STXBP5: variants seen among roughly 807,000 people sequenced by gnomAD.
STXBP5 encodes syntaxin-binding protein 5.
In STXBP5, 50 loss-of-function variants were observed where a neutral mutation model predicts 152.4. That is an observed-to-expected ratio of 0.33 (90% CI 0.26 to 0.42). STXBP5 has a LOEUF of 0.42. Among genes scored for constraint, STXBP5 ranks in the 10% least tolerant of loss-of-function variants. The pLI, the probability that STXBP5 is intolerant of heterozygous loss-of-function variation, is 1.00. For missense variants in STXBP5, 1,167 were observed against 1,388.6 expected, an observed-to-expected ratio of 0.84 and a Z score of 2.54; for synonymous variants, 492 against 494.7, an observed-to-expected ratio of 0.99 and a Z score of 0.07.
intron 16 of STXBP5, among the ~76,000 whole-genome samples, chr6:147,320,296 C>T (rs753155381): frequency 7.4e-4 from 112 of 152,136 alleles, no homozygotes; most frequent in Non-Finnish European, 1.4e-3. Flanking sequence ...CTTATCCTCC[C>T]AGTCGTGGCA....
chr6:147,251,159 G>A (rs1023505376), intron 4 of STXBP5, among the ~76,000 whole-genome samples: 2 of 152,040 alleles, frequency 1.3e-5, no homozygotes, highest in African/African-American at 4.8e-5. Flanking sequence ...AGGGTGTGGC[G>A]TTGCCTCACC....
chr6:147,272,983 C>T (rs1057321557), intron 7 of STXBP5, among the ~76,000 whole-genome samples: 1 of 152,034 alleles, frequency 6.6e-6, no homozygotes, highest in African/African-American at 2.4e-5. Context: ...ATATTTTCTA[C>T]AGATGATACT....
At chr6:147,325,824 A>C (rs1311137702) in intron 17 of STXBP5, among the ~76,000 whole-genome samples, 1 of 152,146 alleles carries the variant, frequency 6.6e-6, no homozygotes, top group Non-Finnish European at 1.5e-5. Context: ...GCAGCTGTAC[A>C]GTTAGCCCTC....
At chr6:147,218,811 C>T (rs1257847594) in intron 2 of STXBP5, among the ~76,000 whole-genome samples, 1 of 152,200 alleles carries the variant, frequency 6.6e-6, no homozygotes, top group Non-Finnish European at 1.5e-5. Flanking sequence ...ATATCCTGGC[C>T]ACCTTGCTAT....
At chr6:147,372,977 G>GT (rs1785631098) in intron 25 of STXBP5, among the ~76,000 whole-genome samples, 1 of 152,122 alleles carries the variant, frequency 6.6e-6, no homozygotes, top group Non-Finnish European at 1.5e-5. Context: ...AAAGAAGTTG[G>GT]TGTCTAAATT....
intron 17 of STXBP5, 32 bp from the exon 18 acceptor site, chr6:147,327,093 T>A: frequency 6.3e-7 from 1 of 1,598,926 alleles, no homozygotes; most frequent in Non-Finnish European, 8.5e-7. Context: ...TATTTGTTTG[T>A]GCTAAAATGT....
At chr6:147,310,517 A>T (rs751932844) in intron 10 of STXBP5, among the ~76,000 whole-genome samples, 11 of 136,586 alleles carry the variant, frequency 8.1e-5, no homozygotes, top group Non-Finnish European at 1.6e-4. Context: ...GCACACACTC[A>T]TAGGAGAGAA....
At position 147,257,892 on chromosome 6, in the gene STXBP5, A is replaced by T. The variant is rs376601918; in HGVS notation, c.432-2723A>T. On this transcript the variant is annotated intron_variant, in intron 4 of 27. Transcript: ENST00000321680. ...CGGCAACCTGGGTCGGCTCAGCAGGAGTGCCTTCCCCTGAAGTCACTTACA... is the reference window on the plus strand; with the variant it reads ...CGGCAACCTGGGTCGGCTCAGCAGGTGTGCCTTCCCCTGAAGTCACTTACA... Among the ~76,000 whole-genome samples the T allele has an allele frequency of 3.9e-5, 6 of 152,170 alleles. No individual in the cohort carries two copies. The East Asian group carries it at 7.7e-4, about 20-fold the overall frequency.
chr6:147,292,112 T>C (rs1449193349), intron 9 of STXBP5: 3 of 337,072 alleles, frequency 8.9e-6, no homozygotes, highest in African/African-American at 6.7e-5. Flanking sequence ...TGTATACCAG[T>C]TTATAACCAC....
At chr6:147,325,479 A>G (rs1783201378) in intron 17 of STXBP5, among the ~76,000 whole-genome samples, 1 of 152,144 alleles carries the variant, frequency 6.6e-6, no homozygotes, top group South Asian at 2.1e-4. Context: ...TAGTTGTGTA[A>G]TTTTTCTTTC....
intron 2 of STXBP5, among the ~76,000 whole-genome samples, chr6:147,230,599 A>G (rs927870819): frequency 9.9e-5 from 15 of 151,860 alleles, no homozygotes; most frequent in Admixed American, 8.5e-4. Context: ...CAGTTTTAAG[A>G]TGATTTATAA....
intron 8 of STXBP5, among the ~76,000 whole-genome samples, chr6:147,289,665 C>T (rs1157444697): frequency 1.3e-5 from 2 of 151,738 alleles, no homozygotes; most frequent in African/African-American, 2.4e-5. Flanking sequence ...AAGAAGTATA[C>T]ATGACCAGTT....
chr6:147,383,566 T>C (rs1024673295), intron 27 of STXBP5, among the ~76,000 whole-genome samples: 23 of 152,052 alleles, frequency 1.5e-4, no homozygotes, highest in Non-Finnish European at 2.8e-4. Context: ...CACATCGTGC[T>C]CTTAAAAAGC....
chr6:147,334,325 G>A (rs960976300), intron 19 of STXBP5, 103 bp downstream of exon 19: 21 of 1,015,960 alleles, frequency 2.1e-5, no homozygotes, highest in African/African-American at 8.2e-5. Flanking sequence ...ATACATCTAC[G>A]AAAACTTTTG....
chr6:147,230,885 A>C (rs888879277), intron 2 of STXBP5, among the ~76,000 whole-genome samples: 2 of 151,868 alleles, frequency 1.3e-5, no homozygotes, highest in Non-Finnish European at 2.9e-5. Context: ...CATATGTAGT[A>C]GTATTGTAAT....
intron 1 of STXBP5, 103 bp from the exon 2 acceptor site, chr6:147,205,867 TG>T: frequency 1.3e-6 from 1 of 773,418 alleles, no homozygotes; most frequent in Non-Finnish European, 2.2e-6. Flanking sequence ...GTATGTGTTT[TG>T]CATCAGTGGT....
chr6:147,250,699 A>G (rs580657), intron 4 of STXBP5, among the ~76,000 whole-genome samples: 79,697 of 151,700 alleles, frequency 0.53, 21,487 homozygotes, highest in East Asian at 0.73. Flanking sequence ...CTCTAGGACA[A>G]AGAAATTAAT....
At chr6:147,276,294 A>T (rs2128340523) in intron 7 of STXBP5, among the ~76,000 whole-genome samples, 1 of 152,134 alleles carries the variant, frequency 6.6e-6, no homozygotes, top group South Asian at 2.1e-4. Flanking sequence ...GCATGTCCAT[A>T]TTTGGTTATT....
At chr6:147,277,203 A>G (rs950163956) in intron 7 of STXBP5, among the ~76,000 whole-genome samples, 2 of 152,108 alleles carry the variant, frequency 1.3e-5, no homozygotes, top group Non-Finnish European at 2.9e-5. Context: ...AAGTATAGAA[A>G]GAACTCAAAT....
Sources: gnomAD v4.1 joint callset for allele counts (sites outside exome capture counted in the v4.1 genomes callset) on GRCh38, gnomAD v4.1.1 for gene constraint, MANE v1.5 for transcripts, NCBI Gene and HGNC (gene_info 2026-07-23, HGNC 2026-07-21) for gene names.